The following RGPD2 variants were observed in gnomAD, a reference collection of about 807,000 sequenced individuals.
RGPD2 encodes RANBP2-like and GRIP domain-containing protein 2.
Under a neutral mutation model 36.0 loss-of-function variants are expected in RGPD2, and 2 were observed. The ratio of observed to expected loss-of-function variants is 0.06; its 90% CI spans 0.02 to 0.17. RGPD2 has a LOEUF of 0.17. Among genes scored for constraint, RGPD2 ranks in the 10% least tolerant of loss-of-function variants. RGPD2 has a pLI of 1.00. For missense variants in RGPD2, 40 were observed against 464.3 expected (o/e 0.09, Z 8.40); for synonymous variants, 19 against 163.8 (o/e 0.12, Z 6.75).
chr2:87,930,412 T>A, the RGPD2 span, among the ~76,000 whole-genome samples: 1 of 152,102 alleles, frequency 6.6e-6, no homozygotes, highest in East Asian at 1.9e-4. Flanking sequence ...ATCCTGGCGA[T>A]AAAGCCTACT....
At chr2:87,825,533 G>GCCGCCCGGCCC in intron 1 of RGPD2, 125 bp downstream of exon 1, 1 of 498,664 alleles carries the variant, frequency 2.0e-6, no homozygotes, top group Admixed American at 2.8e-4. Flanking sequence ...GGCCGAGGCC[G>GCCGCCCGGCCC]AGGCCGAGGC....
At chr2:87,937,649 A>G in the RGPD2 span, among the ~76,000 whole-genome samples, 1 of 151,936 alleles carries the variant, frequency 6.6e-6, no homozygotes, top group Non-Finnish European at 1.5e-5. Context: ...ATCTTCCCCC[A>G]TGGCATGACC....
intron 1 of RGPD2, among the ~76,000 whole-genome samples, chr2:87,824,730 C>CGGCCA (rs1686560090): frequency 2.0e-5 from 2 of 101,030 alleles, no homozygotes; most frequent in African/African-American, 6.0e-5. Flanking sequence ...CGCCGCCGCC[C>CGGCCA]GGCCAGGCCG....
the RGPD2 span, among the ~76,000 whole-genome samples, chr2:87,887,759 CTGAG>C: frequency 1.8e-5 from 2 of 111,618 alleles, no homozygotes; most frequent in East Asian, 2.2e-4. Context: ...TCATGAAGCA[CTGAG>C]TAACAACATC....
chr2:87,877,086 C>T, the RGPD2 span, among the ~76,000 whole-genome samples: 15 of 152,328 alleles, frequency 9.8e-5, no homozygotes, highest in African/African-American at 3.6e-4. Flanking sequence ...TATTTTGATC[C>T]TATCTGTGTC....
In RGPD2 at chr2:87,809,678, G is replaced by A. The variant is rs577923424; in HGVS notation, c.779+1807C>T. ...AACCATCTGTCACCCACCACCCTAA[G>A]CCACACTGTGAAACTGCCTAGGGTG... On this transcript the variant is annotated intron_variant, in intron 6 of 22. Coordinates refer to ENST00000398146, the MANE Select transcript of RGPD2 (RefSeq NM_001078170.3). 9.8e-4 allele frequency among the ~76,000 whole-genome samples: 147 copies of A among 149,964 alleles called. 1 individual carries two copies. The highest frequency in any genetic ancestry group is 3.5e-3 in the African/African-American group (143 of 41,090).
chr2:87,822,326 T>C (rs1686411110), intron 1 of RGPD2, among the ~76,000 whole-genome samples: 1 of 151,204 alleles, frequency 6.6e-6, no homozygotes, highest in South Asian at 2.1e-4. Context: ...AAAGAAATAA[T>C]ACAAGAAACG....
At chr2:87,845,710 G>A in the RGPD2 span, among the ~76,000 whole-genome samples, 27 of 151,694 alleles carry the variant, frequency 1.8e-4, no homozygotes, top group African/African-American at 5.6e-4. Flanking sequence ...TTAATTATCC[G>A]ATCTTGAAAT....
the RGPD2 span, among the ~76,000 whole-genome samples, chr2:87,866,864 T>A: frequency 1.3e-5 from 2 of 152,194 alleles, no homozygotes; most frequent in Non-Finnish European, 2.9e-5. Context: ...CATGTGCCCA[T>A]AGAGTCTTTC....
the RGPD2 span, among the ~76,000 whole-genome samples, chr2:87,876,073 A>T: frequency 6.6e-6 from 1 of 151,022 alleles, no homozygotes; most frequent in East Asian, 1.9e-4. Flanking sequence ...ATCATTTCTG[A>T]TTGTGTATAT....
chr2:87,912,061 G>GTT, the RGPD2 span, among the ~76,000 whole-genome samples: 1 of 135,660 alleles, frequency 7.4e-6, no homozygotes, highest in African/African-American at 2.8e-5. Context: ...ATACCAGGTT[G>GTT]TTTTTTTTTT....
the RGPD2 span, among the ~76,000 whole-genome samples, chr2:87,937,234 G>T: frequency 0.087 from 13,102 of 151,164 alleles, 1,054 homozygotes; most frequent in African/African-American, 0.22. Context: ...AAATTTAAAA[G>T]TGTCTTGAGC....
the RGPD2 span, among the ~76,000 whole-genome samples, chr2:87,957,292 T>TTCTCTC: frequency 6.9e-6 from 1 of 144,022 alleles, no homozygotes; most frequent in Non-Finnish European, 1.5e-5. Context: ...CTTATCTGCT[T>TTCTCTC]TCTCTCTCTC....
At chr2:87,960,098 G>A in the RGPD2 span, among the ~76,000 whole-genome samples, 3 of 135,872 alleles carry the variant, frequency 2.2e-5, no homozygotes, top group African/African-American at 2.7e-5. Context: ...CTCAATTCAT[G>A]AGCCTTTTAA....
At chr2:87,834,590 A>T in the RGPD2 span, among the ~76,000 whole-genome samples, 1 of 152,090 alleles carries the variant, frequency 6.6e-6, no homozygotes, top group Non-Finnish European at 1.5e-5. Context: ...TATCACTCAA[A>T]CTAACACAAT....
At chr2:87,769,731 G>C (rs1685069014) in intron 22 of RGPD2, among the ~76,000 whole-genome samples, 1 of 151,298 alleles carries the variant, frequency 6.6e-6, no homozygotes, top group Non-Finnish European at 1.5e-5. Flanking sequence ...TTAAAGTCCT[G>C]GTTAATTTTA....
intron 22 of RGPD2, among the ~76,000 whole-genome samples, chr2:87,769,121 C>A (rs1376758267): frequency 2.5e-4 from 24 of 95,664 alleles, no homozygotes; most frequent in African/African-American, 8.7e-4. Flanking sequence ...GCATGCACCA[C>A]CACGCCCAGC....
chr2:87,929,473 T>TGTGTG, the RGPD2 span, among the ~76,000 whole-genome samples: 2 of 119,180 alleles, frequency 1.7e-5, no homozygotes, highest in East Asian at 4.3e-4. Context: ...GCTTTGTTTT[T>TGTGTG]TTTGTGTGTG....
chr2:87,824,862 G>GGCCGCCGCC (rs533529835), intron 1 of RGPD2: 4 of 37,476 alleles, frequency 1.1e-4, no homozygotes, highest in Admixed American at 3.6e-4. Flanking sequence ...CCGAGGCCGA[G>GGCCGCCGCC]GCCGCCGCCG....
Sources: gnomAD v4.1 joint callset for allele counts (sites outside exome capture counted in the v4.1 genomes callset) on GRCh38, gnomAD v4.1.1 for gene constraint, MANE v1.5 for transcripts, NCBI Gene and HGNC (gene_info 2026-07-23, HGNC 2026-07-21) for gene names.